Variants in TAAR2 observed in about 807,000 individuals in gnomAD.
The protein encoded by TAAR2 is trace amine associated receptor 2.
A neutral mutation model predicts 25.5 loss-of-function variants in TAAR2; 30 were observed. That is an observed-to-expected ratio of 1.18 (90% CI 0.88 to 1.60). The LOEUF is 1.60. Ranked by LOEUF, TAAR2 falls within the 40% of genes most tolerant of loss-of-function variation. The probability of loss-of-function intolerance (pLI) is 0.00; values close to 1 mark genes in which losing one functional copy is unlikely to be tolerated. For missense variants in TAAR2, 481 were observed against 416.5 expected (o/e 1.15, Z -1.35); for synonymous variants, 150 against 142.4 (o/e 1.05, Z -0.38).
At chr6:132,619,185 A>G (rs978550637) in intron 1 of TAAR2, among the ~76,000 whole-genome samples, 1 of 152,204 alleles carries the variant, frequency 6.6e-6, no homozygotes, top group Non-Finnish European at 1.5e-5. Flanking sequence ...GGCCACACAC[A>G]AGGCTATGAG....
intron 1 of TAAR2, 102 bp downstream of exon 1, chr6:132,624,114 G>T (rs1257305426): frequency 1.8e-6 from 2 of 1,102,814 alleles, no homozygotes; most frequent in Non-Finnish European, 2.7e-6. Context: ...AGATCTGGAG[G>T]AATTGAGCAT....
chr6:132,621,911 G>A (rs559744244), intron 1 of TAAR2, among the ~76,000 whole-genome samples: 63 of 152,126 alleles, frequency 4.1e-4, no homozygotes, highest in African/African-American at 1.4e-3. Flanking sequence ...TCTTTCATGT[G>A]ACATCTATCA....
chr6:132,618,226 A>G (rs1777327778), intron 1 of TAAR2, 81 bp from the exon 2 acceptor site: 2 of 1,253,742 alleles, frequency 1.6e-6, no homozygotes, highest in East Asian at 5.0e-5. Flanking sequence ...GAAAAACTCA[A>G]GAAAGGCAGA....
intron 1 of TAAR2, 113 bp from the exon 2 acceptor site, chr6:132,618,258 T>A (rs1265294148): frequency 2.1e-6 from 2 of 944,638 alleles, no homozygotes; most frequent in African/African-American, 3.3e-5. Flanking sequence ...GAAGATAATT[T>A]ATGCTGTAAT....
At position 132,618,015 on chromosome 6, in the gene TAAR2, A is replaced by G; in HGVS notation, c.191T>C (p.Met64Thr). 6.2e-7 allele frequency: 1 copy of G among 1,614,096 alleles called. No homozygotes were observed. The highest frequency in any genetic ancestry group is 8.5e-7 in the Non-Finnish European group (1 of 1,179,982). ...IFITIFGNLAMIISISYFKQL... is the reference protein window; with the variant it reads ...IFITIFGNLATIISISYFKQL... Reference sequence around the variant, plus strand: ...CTTGAAGTAGGAAATGGAAATTATCATGGCAAGATTGCCAAATATTGTGAT... The same window carrying G: ...CTTGAAGTAGGAAATGGAAATTATCGTGGCAAGATTGCCAAATATTGTGAT... The change falls in exon 2 of 2, where the codon ATG becomes ACG. Residue 64 changes from methionine (M) to threonine (T), a missense_variant. Coordinates refer to ENST00000367931, the MANE Select transcript of TAAR2 (RefSeq NM_001033080.1).
In TAAR2 at chr6:132,617,650, C is replaced by G. The variant is rs746956559; in HGVS notation, c.556G>C (p.Asp186His). The G allele has an allele frequency of 7.4e-6, 12 of 1,613,848 alleles. No individual in the cohort carries two copies. The Admixed American group carries it at 1.2e-4, about 16-fold the overall frequency. ...FGVVFSEAYA[D>H]GIEGYDILVA... The stretch of plus-strand genomic sequence containing the variant: ...AAGATGTCATAGCCCTCTATTCCAT[C>G]TGCATAGGCCTCTGAGAAGACCACC... Residue 186 changes from aspartate (D) to histidine (H), a missense_variant, in exon 2 of 2, where the codon GAT becomes CAT. Transcript: ENST00000367931.
At chr6:132,620,602 A>G (rs1777358468) in intron 1 of TAAR2, among the ~76,000 whole-genome samples, 1 of 152,162 alleles carries the variant, frequency 6.6e-6, no homozygotes, top group Non-Finnish European at 1.5e-5. Flanking sequence ...AACGACAGAC[A>G]CTGGGGTCTA....
At chr6:132,620,625 G>T (rs1220411419) in intron 1 of TAAR2, among the ~76,000 whole-genome samples, 1 of 152,082 alleles carries the variant, frequency 6.6e-6, no homozygotes, top group Non-Finnish European at 1.5e-5. Flanking sequence ...TGGGGCCAGA[G>T]CGGGGAGGAG....
At chr6:132,620,674 G>T (rs1777359607) in intron 1 of TAAR2, among the ~76,000 whole-genome samples, 1 of 151,928 alleles carries the variant, frequency 6.6e-6, no homozygotes, top group Admixed American at 6.6e-5. Flanking sequence ...ATAACTATTG[G>T]GTACTGGGCT....
At chr6:132,621,759 A>G (rs1455299822) in intron 1 of TAAR2, among the ~76,000 whole-genome samples, 1 of 152,140 alleles carries the variant, frequency 6.6e-6, no homozygotes, top group Non-Finnish European at 1.5e-5. Context: ...ACATAATATG[A>G]TGTCTACATT....
chr6:132,621,834 G>T (rs1287828584), intron 1 of TAAR2, among the ~76,000 whole-genome samples: 4 of 152,004 alleles, frequency 2.6e-5, no homozygotes, highest in Non-Finnish European at 5.9e-5. Flanking sequence ...ATTATTTGAT[G>T]AATTCATCAA....
intron 1 of TAAR2, 30 bp from the exon 2 acceptor site, chr6:132,618,175 G>T (rs748172330): frequency 9.2e-6 from 14 of 1,529,584 alleles, no homozygotes; most frequent in African/African-American, 1.4e-5. Context: ...ATAGAATTTT[G>T]TCAGAATATA....
At chr6:132,621,428 CT>C (rs1562195798) in intron 1 of TAAR2, among the ~76,000 whole-genome samples, 2 of 152,026 alleles carry the variant, frequency 1.3e-5, no homozygotes, top group Non-Finnish European at 2.9e-5. Flanking sequence ...CCCCCACCCC[CT>C]GACAAGCCCT....
intron 1 of TAAR2, 84 bp downstream of exon 1, chr6:132,624,132 A>G: frequency 1.6e-6 from 2 of 1,260,670 alleles, no homozygotes; most frequent in South Asian, 1.2e-5. Flanking sequence ...CATAATTATT[A>G]TCTTTGTAAA....
chr6:132,621,811 G>A (rs1582740507), intron 1 of TAAR2, among the ~76,000 whole-genome samples: 1 of 151,636 alleles, frequency 6.6e-6, no homozygotes, highest in East Asian at 1.9e-4. Flanking sequence ...AGTATGGAGG[G>A]GTATATCAGA....
At chr6:132,618,363 G>T (rs1407831205) in intron 1 of TAAR2, among the ~76,000 whole-genome samples, 1 of 152,088 alleles carries the variant, frequency 6.6e-6, no homozygotes, top group East Asian at 1.9e-4. Context: ...TTATTGGCCA[G>T]GTGCGGTGGC....
intron 1 of TAAR2, among the ~76,000 whole-genome samples, chr6:132,619,950 C>T (rs1228319148): frequency 2.0e-5 from 3 of 151,940 alleles, no homozygotes; most frequent in Non-Finnish European, 2.9e-5. Flanking sequence ...CTCAGGGACC[C>T]CTAAAACACC....
chr6:132,618,719 G>A (rs569111129), intron 1 of TAAR2, among the ~76,000 whole-genome samples: 24 of 152,164 alleles, frequency 1.6e-4, no homozygotes, highest in Non-Finnish European at 1.8e-4. Context: ...TTTATGCCAG[G>A]CTTTGAAATT....
intron 1 of TAAR2, among the ~76,000 whole-genome samples, chr6:132,623,107 A>G (rs962279656): frequency 6.6e-6 from 1 of 152,180 alleles, no homozygotes; most frequent in African/African-American, 2.4e-5. Flanking sequence ...TTTGACCAGA[A>G]AAGATTTCTC....
Sources: gnomAD v4.1 joint callset for allele counts (sites outside exome capture counted in the v4.1 genomes callset) on GRCh38, gnomAD v4.1.1 for gene constraint, MANE v1.5 for transcripts, NCBI Gene and HGNC (gene_info 2026-07-23, HGNC 2026-07-21) for gene names.